The following JAK1 variants were observed in gnomAD, a reference collection of about 807,000 sequenced individuals.
JAK1 encodes Janus kinase 1, also known as tyrosine-protein kinase JAK1.
JAK1 carries 16 observed loss-of-function variants against 136.6 expected under a neutral mutation model. The ratio of observed to expected loss-of-function variants is 0.12; its 90% confidence interval spans 0.08 to 0.18. The LOEUF (loss-of-function observed/expected upper bound fraction) is 0.18. Ranked by LOEUF, JAK1 falls within the 10% of genes least tolerant of loss-of-function variation. JAK1 has a pLI of 1.00. For missense variants in JAK1, 859 were observed against 1,450.1 expected, an observed-to-expected ratio of 0.59 and a Z score of 6.62; for synonymous variants, 492 against 519.5, an observed-to-expected ratio of 0.95 and a Z score of 0.72.
chr1:64,891,209 T>C (rs1384301737), intron 1 of JAK1, among the ~76,000 whole-genome samples: 2 of 152,160 alleles, frequency 1.3e-5, no homozygotes, highest in East Asian at 3.9e-4. Flanking sequence ...TCGCACTTAA[T>C]TCTCATAAAA....
chr1:64,873,600 G>A, intron 4 of JAK1, 77 bp from the exon 5 acceptor site: 1 of 1,563,030 alleles, frequency 6.4e-7, no homozygotes, highest in Non-Finnish European at 8.8e-7. Context: ...CTCACCAACA[G>A]TGGTCAGTGC....
At chr1:64,937,544 C>T (rs1375048279) in intron 1 of JAK1, among the ~76,000 whole-genome samples, 1 of 152,192 alleles carries the variant, frequency 6.6e-6, no homozygotes, top group African/African-American at 2.4e-5. Context: ...TTCAATTATA[C>T]AACACAGGCC....
At chr1:64,933,797 C>T (rs772305014) in intron 1 of JAK1, among the ~76,000 whole-genome samples, 1 of 152,156 alleles carries the variant, frequency 6.6e-6, no homozygotes, top group Non-Finnish European at 1.5e-5. Context: ...CCAAGCACGC[C>T]GCTGCTCTAA....
chr1:64,854,687 GA>G (rs1655810889), intron 11 of JAK1, among the ~76,000 whole-genome samples: 2 of 151,940 alleles, frequency 1.3e-5, no homozygotes, highest in African/African-American at 4.8e-5. Context: ...CTCCCCCTTG[GA>G]TCCATTTCAC....
intron 15 of JAK1, 125 bp downstream of exon 15, chr1:64,845,388 G>C (rs1570622311): frequency 9.2e-7 from 1 of 1,090,806 alleles, no homozygotes; most frequent in Non-Finnish European, 1.4e-6. Context: ...CAACCACAGA[G>C]CCCTGGCCCC....
intron 1 of JAK1, among the ~76,000 whole-genome samples, chr1:64,887,296 A>G (rs541250868): frequency 6.6e-6 from 1 of 152,340 alleles, no homozygotes; most frequent in East Asian, 1.9e-4. Context: ...TGATTTGGCT[A>G]TTTTGGTATG....
chr1:64,918,328 C>A (rs1645434839), intron 1 of JAK1: 1 of 152,136 alleles, frequency 6.6e-6, no homozygotes, highest in Admixed American at 6.5e-5. Flanking sequence ...TATTTAGAGA[C>A]CCTAAGTAGA....
intron 2 of JAK1, among the ~76,000 whole-genome samples, chr1:65,030,091 G>T (rs1052414565): frequency 3.9e-5 from 6 of 152,154 alleles, no homozygotes; most frequent in Non-Finnish European, 5.9e-5. Context: ...GAGATTATGA[G>T]GATGGAGCCC....
intron 1 of JAK1, among the ~76,000 whole-genome samples, chr1:64,917,235 A>C (rs1257431721): frequency 6.6e-6 from 1 of 152,198 alleles, no homozygotes; most frequent in Non-Finnish European, 1.5e-5. Context: ...ACAGGCACCC[A>C]ATGCCTGCAA....
intron 1 of JAK1, among the ~76,000 whole-genome samples, chr1:64,919,071 G>T (rs746676200): frequency 6.6e-6 from 1 of 151,928 alleles, no homozygotes; most frequent in African/African-American, 2.4e-5. Context: ...CAACGTGCAG[G>T]TTTGTTACAT....
rs1570622632 is a variant in JAK1 at position 64,845,505 on chromosome 1, A to T, written c.2115+8T>A. On this transcript the variant is annotated splice_region_variant and intron_variant, in intron 15 of 24. Transcript: ENST00000342505. ...GTGGGACCATTATGGACATCAGGACATTCTCACCAAGTAGCTCAGGGCACT... is the reference window on the plus strand; with the variant it reads ...GTGGGACCATTATGGACATCAGGACTTTCTCACCAAGTAGCTCAGGGCACT... The T allele has an allele frequency of 6.2e-7, 1 of 1,614,126 alleles. No individual in the cohort carries two copies. Among genetic ancestry groups the T allele is most frequent in the Non-Finnish European group, 8.5e-7 (1 of 1,179,996 alleles).
chr1:64,858,826 T>C (rs1232871883), intron 9 of JAK1, among the ~76,000 whole-genome samples: 5 of 152,132 alleles, frequency 3.3e-5, no homozygotes, highest in Admixed American at 3.3e-4. Flanking sequence ...GGCCAACATG[T>C]ATGGGATGGA....
At chr1:64,931,176 G>A (rs537654745) in intron 1 of JAK1, among the ~76,000 whole-genome samples, 1 of 152,204 alleles carries the variant, frequency 6.6e-6, no homozygotes, top group South Asian at 2.1e-4. Context: ...AGTACACTGA[G>A]ATTCCACATC....
intron 2 of JAK1, among the ~76,000 whole-genome samples, chr1:65,018,516 A>G (rs559803129): frequency 2.0e-5 from 3 of 151,864 alleles, no homozygotes; most frequent in Non-Finnish European, 1.5e-5. Context: ...ACACACACAC[A>G]CGCTATCAGG....
intron 20 of JAK1, among the ~76,000 whole-genome samples, chr1:64,838,868 G>A (rs539983659): frequency 9.2e-5 from 14 of 152,178 alleles, no homozygotes; most frequent in South Asian, 8.3e-4. Context: ...TTATCGGGCT[G>A]GGCGCGGTGG....
In JAK1 at chr1:64,835,446, T is replaced by G; in HGVS notation, c.3319A>C (p.Thr1107Pro). Residue 1107 changes from threonine (T) to proline (P), a missense_variant, in exon 24 of 25, where the codon ACG (threonine) becomes CCG (proline). Transcript: ENST00000342505. The stretch of plus-strand genomic sequence containing the variant: ...GGCAGGCGTTTTCCTTCTTTTAACG[T>G]ATTCACAAGTCTTGTGACTGTCATC... Reference protein sequence around the residue: ...GQMTVTRLVNTLKEGKRLPCP... With the variant: ...GQMTVTRLVNPLKEGKRLPCP... 2 of 1,610,202 alleles carry G rather than the reference T, an allele frequency of 1.2e-6. No homozygotes were observed. The highest frequency in any genetic ancestry group is 1.7e-6 in the Non-Finnish European group (2 of 1,178,940).
Position 65,060,812 on chromosome 1 carries a change from T to C in JAK1, c.-181+6792A>G, listed in dbSNP as rs111422182. On this transcript the variant is annotated intron_variant, in intron 1 of 25. Transcript: ENST00000671954. ...TCTTGAAAATGTTTATAAACGTGCA[T>C]TTTTGAAAATTTAAATCCATCAGAA... Among the ~76,000 whole-genome samples the C allele has an allele frequency of 8.7e-4, 132 of 152,322 alleles. 1 individual carries two copies. The highest frequency in any genetic ancestry group is 3.1e-3 in the African/African-American group (127 of 41,576).
chr1:65,043,684 C>T (rs923513555), intron 2 of JAK1, among the ~76,000 whole-genome samples: 4 of 149,860 alleles, frequency 2.7e-5, no homozygotes, highest in Non-Finnish European at 5.9e-5. Flanking sequence ...CAGGCATGCA[C>T]CACCACACCT....
chr1:65,063,059 A>G (rs149099119), intron 1 of JAK1, among the ~76,000 whole-genome samples: 2 of 152,314 alleles, frequency 1.3e-5, no homozygotes, highest in Non-Finnish European at 2.9e-5. Flanking sequence ...CACTACCTCT[A>G]TTCACGTTAG....
Sources: allele counts gnomAD v4.1 joint callset (sites outside exome capture counted in the v4.1 genomes callset), GRCh38; gene constraint gnomAD v4.1.1; transcripts MANE v1.5; gene names NCBI Gene and HGNC (gene_info 2026-07-23, HGNC 2026-07-21).